TWIST2: variants seen among roughly 807,000 people sequenced by gnomAD.
The protein encoded by TWIST2 is twist family bHLH transcription factor 2.
TWIST2 carries 1 observed loss-of-function variant against 11.6 expected under a neutral mutation model. The ratio of observed to expected loss-of-function variants is 0.09; its 90% CI spans 0.03 to 0.41. The LOEUF (loss-of-function observed/expected upper bound fraction) is 0.41, where lower values mean the gene tolerates loss of function less well. Ranked by LOEUF, TWIST2 falls within the 10% of genes least tolerant of loss-of-function variation. The pLI is 0.98. For missense variants in TWIST2, 168 were observed against 226.4 expected (o/e 0.74, Z 1.66); for synonymous variants, 87 against 96.6 (o/e 0.90, Z 0.58).
chr2:238,848,805 C>A, intron 1 of TWIST2, 72 bp downstream of exon 1: 2 of 1,195,656 alleles, frequency 1.7e-6, no homozygotes, highest in East Asian at 3.3e-5. Flanking sequence ...GGCATTGGGG[C>A]CTGCTCGTGT....
chr2:238,870,126 A>ACACACCACACCCCACACACACCACACCC (rs1299260027), intron 1 of TWIST2, among the ~76,000 whole-genome samples: 1 of 9,394 alleles, frequency 1.1e-4, no homozygotes, highest in African/African-American at 6.3e-4. Context: ...TACACCCCCC[A>ACACACCACACCCCACACACACCACACCC]CACACACACC....
At chr2:238,888,642 G>A (rs1050338806) in intron 1 of TWIST2, among the ~76,000 whole-genome samples, 6 of 152,154 alleles carry the variant, frequency 3.9e-5, no homozygotes, top group African/African-American at 1.4e-4. Flanking sequence ...TGATTCCCAC[G>A]TAAGGAGTAT....
At chr2:238,872,355 G>A (rs1323774361) in intron 1 of TWIST2, among the ~76,000 whole-genome samples, 1 of 152,198 alleles carries the variant, frequency 6.6e-6, no homozygotes, top group East Asian at 1.9e-4. Flanking sequence ...CAGAGGAGTG[G>A]TCTCAGGTGC....
At chr2:238,908,409 C>T (rs1693392985) in intron 1 of TWIST2, among the ~76,000 whole-genome samples, 1 of 151,436 alleles carries the variant, frequency 6.6e-6, no homozygotes. Context: ...AAACATACCA[C>T]ACACTGCACA....
intron 1 of TWIST2, among the ~76,000 whole-genome samples, chr2:238,889,524 A>G (rs533549840): frequency 9.9e-5 from 15 of 152,264 alleles, no homozygotes; most frequent in African/African-American, 3.6e-4. Flanking sequence ...TCCCCCACCC[A>G]TCCCTGTGTT....
intron 1 of TWIST2, among the ~76,000 whole-genome samples, chr2:238,849,144 A>C (rs1159895557): frequency 6.6e-6 from 1 of 152,118 alleles, no homozygotes; most frequent in African/African-American, 2.4e-5. Flanking sequence ...GCCGCAGCGC[A>C]GGCCGCCCGC....
intron 1 of TWIST2, among the ~76,000 whole-genome samples, chr2:238,868,396 CA>C (rs745995807): frequency 2.0e-4 from 31 of 152,146 alleles, no homozygotes; most frequent in Non-Finnish European, 3.7e-4. Flanking sequence ...TTTGGAAGAA[CA>C]AAAAACAAAA....
At chr2:238,848,850 G>C (rs1692184382) in intron 1 of TWIST2, 117 bp downstream of exon 1, 1 of 810,556 alleles carries the variant, frequency 1.2e-6, no homozygotes, top group Non-Finnish European at 1.6e-6. Context: ...GCGGGGGCTT[G>C]GATGCCGTGC....
intron 1 of TWIST2, among the ~76,000 whole-genome samples, chr2:238,865,510 C>A (rs374812673): frequency 2.0e-5 from 3 of 152,248 alleles, no homozygotes; most frequent in South Asian, 4.1e-4. Flanking sequence ...TGCGGGAGAT[C>A]GGGTAGCTTC....
chr2:238,853,302 C>T (rs1008370558), intron 1 of TWIST2, among the ~76,000 whole-genome samples: 4 of 151,572 alleles, frequency 2.6e-5, no homozygotes, highest in Non-Finnish European at 4.4e-5. Flanking sequence ...AAAAATTATT[C>T]GCCAAGAAGT....
chr2:238,855,102 AAGCTAGCT>A (rs1692307550), intron 1 of TWIST2, among the ~76,000 whole-genome samples: 1 of 152,190 alleles, frequency 6.6e-6, no homozygotes, highest in Non-Finnish European at 1.5e-5. Flanking sequence ...GGCGCAGCGC[AAGCTAGCT>A]AGCCTGCAGG....
At chr2:238,900,687 A>T (rs1472228254) in intron 1 of TWIST2, among the ~76,000 whole-genome samples, 1 of 151,414 alleles carries the variant, frequency 6.6e-6, no homozygotes, top group Non-Finnish European at 1.5e-5. Flanking sequence ...TTCCACCAAC[A>T]CTCTGGACAT....
chr2:238,864,843 CT>C lies in TWIST2; in HGVS notation c.*35+16111del, dbSNP rs1274816367. On this transcript the variant is annotated intron_variant, in intron 1 of 1. Transcript: ENST00000612363. The surrounding 1 kb of genome is among the most constrained non-coding windows in gnomAD (Gnocchi z 4.7). ...GGGGTTTTCCTCTCCTTAGGGACCC[CT>C]GGAAGGTCCAGAGTGCAGGGTGTGT... Among the ~76,000 whole-genome samples, 1 of 151,590 alleles carries C rather than the reference CT, an allele frequency of 6.6e-6. No individual in the cohort carries two copies. Among genetic ancestry groups the C allele is most frequent in the East Asian group, 2.0e-4 (1 of 5,086 alleles).
intron 1 of TWIST2, among the ~76,000 whole-genome samples, chr2:238,870,372 ACCC>A (rs1692645399): frequency 4.5e-5 from 2 of 44,072 alleles, no homozygotes; most frequent in Admixed American, 2.2e-4. Context: ...CACACCACAC[ACCC>A]CACACACCCC....
intron 1 of TWIST2, among the ~76,000 whole-genome samples, chr2:238,872,397 G>A (rs552072893): frequency 5.3e-5 from 8 of 152,202 alleles, no homozygotes; most frequent in South Asian, 2.1e-4. Context: ...CTTCCAGCAC[G>A]TTCTACTTGG....
At chr2:238,879,108 G>A (rs142889986) in intron 1 of TWIST2, among the ~76,000 whole-genome samples, 17,487 of 152,258 alleles carry the variant, frequency 0.11, 1,165 homozygotes, top group Non-Finnish European at 0.14. Context: ...TGTCTCGGCC[G>A]TCCTGGGCGG....
At chr2:238,887,140 A>G (rs1574763840) in intron 1 of TWIST2, 1 of 151,804 alleles carries the variant, frequency 6.6e-6, no homozygotes, top group Non-Finnish European at 1.5e-5. Context: ...TGCCAACACC[A>G]TCTCGGTGTC....
At chr2:238,855,113 C>G (rs1421063488) in intron 1 of TWIST2, among the ~76,000 whole-genome samples, 1 of 152,196 alleles carries the variant, frequency 6.6e-6, no homozygotes, top group Non-Finnish European at 1.5e-5. Context: ...AGCTAGCTAG[C>G]CTGCAGGGTT....
chr2:238,858,628 G>C (rs1692371769), intron 1 of TWIST2, among the ~76,000 whole-genome samples: 1 of 152,130 alleles, frequency 6.6e-6, no homozygotes, highest in Non-Finnish European at 1.5e-5. Flanking sequence ...TGTGGTCCGA[G>C]GCAAGTCATG....
Sources: gnomAD v4.1 joint callset for allele counts (sites outside exome capture counted in the v4.1 genomes callset) on GRCh38, gnomAD v4.1.1 for gene constraint, Gnocchi (gnomAD v3.1) non-coding constraint, MANE v1.5 for transcripts, NCBI Gene and HGNC (gene_info 2026-07-23, HGNC 2026-07-21) for gene names.